CCDC63: variants seen among roughly 807,000 people sequenced by gnomAD.
The protein encoded by CCDC63 is coiled-coil domain-containing protein 63.
In CCDC63, 54 loss-of-function variants were observed where a neutral mutation model predicts 63.6. The ratio of observed to expected loss-of-function variants is 0.85; its 90% CI spans 0.68 to 1.07. The LOEUF (loss-of-function observed/expected upper bound fraction) is 1.07. Among genes scored for constraint, CCDC63 ranks in the 50% least tolerant of loss-of-function variants. The pLI is 0.00. For missense variants in CCDC63, 637 were observed against 689.6 expected (o/e 0.92, Z 0.86); for synonymous variants, 253 against 266.1 (o/e 0.95, Z 0.48).
At chr12:110,888,003 C>A (rs1307173480) in intron 8 of CCDC63, among the ~76,000 whole-genome samples, 1 of 152,212 alleles carries the variant, frequency 6.6e-6, no homozygotes, top group East Asian at 1.9e-4. Context: ...GTCTGAATTT[C>A]TGGTTTCCCT....
At chr12:110,877,638 C>T (rs1342178876) in intron 5 of CCDC63, among the ~76,000 whole-genome samples, 1 of 151,914 alleles carries the variant, frequency 6.6e-6, no homozygotes, top group Non-Finnish European at 1.5e-5. Context: ...GCTCCCTTTC[C>T]CCCTCACCCC....
At chr12:110,856,488 G>A (rs1287566168) in intron 3 of CCDC63, among the ~76,000 whole-genome samples, 1 of 152,182 alleles carries the variant, frequency 6.6e-6, no homozygotes, top group Non-Finnish European at 1.5e-5. Flanking sequence ...AGGGGCTTAA[G>A]CAGGGCAGAA....
At chr12:110,872,530 C>T (rs1021042319) in intron 4 of CCDC63, among the ~76,000 whole-genome samples, 1 of 152,186 alleles carries the variant, frequency 6.6e-6, no homozygotes, top group Non-Finnish European at 1.5e-5. Flanking sequence ...GAATAATCTT[C>T]TCTTGATTGA....
chr12:110,859,315 T>C (rs1156906205), intron 4 of CCDC63, among the ~76,000 whole-genome samples: 1 of 143,070 alleles, frequency 7.0e-6, no homozygotes, highest in African/African-American at 2.6e-5. Flanking sequence ...ATGTCACTTC[T>C]TTTTTTTTTT....
rs867602434 is a variant in CCDC63 at position 110,858,627 on chromosome 12, C to T, written c.221C>T (p.Thr74Ile). The T allele has an allele frequency of 6.2e-7, 1 of 1,613,932 alleles. No individual in the cohort carries two copies. Among genetic ancestry groups the T allele is most frequent in the Non-Finnish European group, 8.5e-7 (1 of 1,179,936 alleles). ...KTLKTEQDEI[T>I]LLLSLMKSSR... is the part of the protein sequence containing the mutation. ...CTGAAGACAGAGCAGGATGAGATCACCCTACTGTTGAGTCTCATGAAATCC... is the reference window on the plus strand; with the variant it reads ...CTGAAGACAGAGCAGGATGAGATCATCCTACTGTTGAGTCTCATGAAATCC... Residue 74 changes from threonine (T) to isoleucine (I), a missense_variant, in exon 4 of 12, where the codon ACC (threonine) becomes ATC (isoleucine). Transcript: ENST00000308208.
intron 4 of CCDC63, among the ~76,000 whole-genome samples, chr12:110,864,421 C>G (rs1408202291): frequency 7.9e-6 from 1 of 127,038 alleles, no homozygotes; most frequent in African/African-American, 3.3e-5. Context: ...GAGACCCTGT[C>G]TTAAAAAAAA....
At chr12:110,895,303 C>T (rs1190348768) in intron 9 of CCDC63, among the ~76,000 whole-genome samples, 1 of 152,040 alleles carries the variant, frequency 6.6e-6, no homozygotes, top group Non-Finnish European at 1.5e-5. Context: ...TTAGTAGAGA[C>T]GGGGTTTTAC....
chr12:110,856,769 G>A (rs1243292002), intron 3 of CCDC63, among the ~76,000 whole-genome samples: 1 of 151,558 alleles, frequency 6.6e-6, no homozygotes, highest in African/African-American at 2.4e-5. Flanking sequence ...ATCTCTATTG[G>A]CACACAGCCA....
At chr12:110,873,461 A>T (rs1214497647) in intron 4 of CCDC63, among the ~76,000 whole-genome samples, 1 of 152,208 alleles carries the variant, frequency 6.6e-6, no homozygotes, top group African/African-American at 2.4e-5. Flanking sequence ...CCAAGTTTAC[A>T]GAAGTCCCCT....
At chr12:110,883,604 AT>A (rs971151054) in intron 7 of CCDC63, among the ~76,000 whole-genome samples, 17 of 132,584 alleles carry the variant, frequency 1.3e-4, no homozygotes, top group Non-Finnish European at 1.3e-4. Flanking sequence ...CTATATATAT[AT>A]TTTTTTGTTT....
At chr12:110,896,917 T>A (rs886339776) in intron 9 of CCDC63, among the ~76,000 whole-genome samples, 3 of 152,188 alleles carry the variant, frequency 2.0e-5, no homozygotes, top group Non-Finnish European at 4.4e-5. Flanking sequence ...CCAGGGCCTT[T>A]GACTGAGTAA....
chr12:110,897,439 A>T (rs574240772), intron 9 of CCDC63, among the ~76,000 whole-genome samples: 2 of 151,308 alleles, frequency 1.3e-5, no homozygotes, highest in African/African-American at 4.9e-5. Flanking sequence ...TTAAAAAAAA[A>T]CCCAAAAACT....
At chr12:110,854,800 T>C (rs2070750871) in intron 3 of CCDC63, among the ~76,000 whole-genome samples, 1 of 152,132 alleles carries the variant, frequency 6.6e-6, no homozygotes, top group Admixed American at 6.5e-5. Context: ...GGAATTTTTA[T>C]TTTTATTTTT....
intron 11 of CCDC63, among the ~76,000 whole-genome samples, chr12:110,905,019 C>T (rs1351305135): frequency 1.3e-5 from 2 of 151,974 alleles, no homozygotes; most frequent in Admixed American, 6.6e-5. Context: ...TGACACAGAT[C>T]CTGAAGTTTA....
At chr12:110,888,257 C>G (rs534869087) in intron 8 of CCDC63, among the ~76,000 whole-genome samples, 1 of 152,268 alleles carries the variant, frequency 6.6e-6, no homozygotes, top group African/African-American at 2.4e-5. Flanking sequence ...TGGGCAGGAC[C>G]CTGAATTCTC....
At position 110,898,975 on chromosome 12, in the gene CCDC63, A is replaced by G. The variant is rs1485203762; in HGVS notation, c.1192A>G (p.Ser398Gly). 7.4e-6 allele frequency: 12 copies of G among 1,612,504 alleles called. No homozygotes were observed. The highest frequency in any genetic ancestry group is 1.0e-5 in the Non-Finnish European group (12 of 1,179,386). The change falls in exon 10 of 12, where the codon AGC becomes GGC. Residue 398 changes from serine (S) to glycine (G), a missense_variant. By Grantham distance (56) the Ser-to-Gly change is moderately conservative. Coordinates refer to ENST00000308208, the MANE Select transcript of CCDC63 (RefSeq NM_152591.3). ...CACGGAGGAGGCAGATATGTATGAG[A>G]GCAAGTACGGGGAGGTCAGCAAGAC... ...KTTEEADMYE[S>G]KYGEVSKTLD...
intron 5 of CCDC63, among the ~76,000 whole-genome samples, chr12:110,876,966 C>A (rs1181178244): frequency 6.6e-6 from 1 of 151,702 alleles, no homozygotes; most frequent in Non-Finnish European, 1.5e-5. Flanking sequence ...ATCACTTGAG[C>A]CTGTGATTGC....
intron 4 of CCDC63, among the ~76,000 whole-genome samples, chr12:110,872,403 A>T (rs1208359186): frequency 6.6e-6 from 1 of 152,196 alleles, no homozygotes; most frequent in Non-Finnish European, 1.5e-5. Flanking sequence ...CATTACACAT[A>T]CTGCAGACAG....
chr12:110,891,634 C>CAAAAA (rs1167265918), intron 8 of CCDC63, among the ~76,000 whole-genome samples: 30 of 65,302 alleles, frequency 4.6e-4, no homozygotes, highest in South Asian at 1.8e-3. Context: ...GACCCTTTCT[C>CAAAAA]AAAAAAAAAA....
Sources: allele counts gnomAD v4.1 joint callset (sites outside exome capture counted in the v4.1 genomes callset), GRCh38; gene constraint gnomAD v4.1.1; transcripts MANE v1.5; gene names NCBI Gene and HGNC (gene_info 2026-07-23, HGNC 2026-07-21).